Variants in TAF3 observed in about 807,000 individuals in gnomAD.
The protein encoded by TAF3 is TATA-box binding protein associated factor 3, also known as transcription initiation factor TFIID subunit 3.
A neutral mutation model predicts 80.6 loss-of-function variants in TAF3; 7 were observed. The observed-to-expected ratio is 0.09, with a 90% CI of 0.05 to 0.16. TAF3 has a LOEUF of 0.16. Among genes scored for constraint, TAF3 ranks in the 10% least tolerant of loss-of-function variants. TAF3 has a pLI of 1.00. For synonymous variants in TAF3, 444 were observed against 446.1 expected, an observed-to-expected ratio of 1.00 and a Z score of 0.06; for missense variants, 921 against 1,140.2, an observed-to-expected ratio of 0.81 and a Z score of 2.77.
At chr10:7,904,318 G>A (rs1837586891) in intron 2 of TAF3, among the ~76,000 whole-genome samples, 1 of 152,152 alleles carries the variant, frequency 6.6e-6, no homozygotes, top group Non-Finnish European at 1.5e-5. Context: ...AAGCAAGACT[G>A]GTTCCTTTCT....
intron 2 of TAF3, among the ~76,000 whole-genome samples, chr10:7,873,618 C>CCCA (rs1491307250): frequency 3.5e-5 from 1 of 28,420 alleles, no homozygotes; most frequent in African/African-American, 1.4e-4. Context: ...TCCGAGTTCT[C>CCCA]CCCCCCCCCC....
At chr10:7,992,737 T>C (rs1056338860) in intron 4 of TAF3, among the ~76,000 whole-genome samples, 6 of 152,218 alleles carry the variant, frequency 3.9e-5, no homozygotes, top group Non-Finnish European at 7.3e-5. Context: ...TCATTCTGGA[T>C]TGAACGCATA....
intron 2 of TAF3, among the ~76,000 whole-genome samples, chr10:7,946,223 T>C (rs1757169284): frequency 2.0e-5 from 3 of 152,210 alleles, no homozygotes; most frequent in Admixed American, 1.3e-4. Flanking sequence ...CATGAAGCTC[T>C]CTTGACCTAC....
intron 4 of TAF3, among the ~76,000 whole-genome samples, chr10:7,996,169 G>T (rs1006991963): frequency 6.6e-6 from 1 of 152,126 alleles, no homozygotes; most frequent in Non-Finnish European, 1.5e-5. Flanking sequence ...TTGGGGATTT[G>T]GGTGGTTCTG....
intron 2 of TAF3, among the ~76,000 whole-genome samples, chr10:7,905,776 G>A (rs759885013): frequency 2.0e-5 from 3 of 152,008 alleles, no homozygotes; most frequent in Non-Finnish European, 2.9e-5. Context: ...CCAGCTACTC[G>A]GGAGACTGAG....
chr10:7,840,415 G>A (rs1366390404), intron 2 of TAF3, among the ~76,000 whole-genome samples: 1 of 151,686 alleles, frequency 6.6e-6, no homozygotes, highest in Non-Finnish European at 1.5e-5. Context: ...GCCTCCCAAA[G>A]TGCTGGGATT....
At chr10:7,974,164 AC>A (rs1450362876) in intron 3 of TAF3, among the ~76,000 whole-genome samples, 3 of 151,628 alleles carry the variant, frequency 2.0e-5, no homozygotes, top group South Asian at 2.1e-4. Flanking sequence ...ACACACACAC[AC>A]ACACACAAAC....
At chr10:7,933,436 A>G (rs892396585) in intron 2 of TAF3, among the ~76,000 whole-genome samples, 10 of 152,338 alleles carry the variant, frequency 6.6e-5, no homozygotes, top group African/African-American at 1.9e-4. Flanking sequence ...CTCTGATGCA[A>G]CCATTGGTGA....
intron 2 of TAF3, among the ~76,000 whole-genome samples, chr10:7,920,154 G>T (rs1211349003): frequency 6.6e-6 from 1 of 152,098 alleles, no homozygotes; most frequent in Non-Finnish European, 1.5e-5. Flanking sequence ...TTGGGAGGCT[G>T]AAATGGGAGG....
chr10:7,976,446 G>A (rs564625678), intron 3 of TAF3, among the ~76,000 whole-genome samples: 3 of 142,728 alleles, frequency 2.1e-5, no homozygotes, highest in Non-Finnish European at 3.0e-5. Context: ...ACGGAGTCTC[G>A]CTGTGTTGCC....
At chr10:7,871,446 T>TTTTTTTTTTTTTTTG (rs1837265181) in intron 2 of TAF3, among the ~76,000 whole-genome samples, 1 of 132,776 alleles carries the variant, frequency 7.5e-6, no homozygotes, top group Non-Finnish European at 1.7e-5. Flanking sequence ...TTTTTTTTTT[T>TTTTTTTTTTTTTTTG]TTTTTTTTTT....
At chr10:7,886,544 A>G (rs1228586449) in intron 2 of TAF3, among the ~76,000 whole-genome samples, 1 of 152,278 alleles carries the variant, frequency 6.6e-6, no homozygotes, top group South Asian at 2.1e-4. Flanking sequence ...CGTTGTGGCT[A>G]TATGACATTG....
chr10:7,838,282 C>G (rs1361704902), intron 2 of TAF3, among the ~76,000 whole-genome samples: 2 of 152,118 alleles, frequency 1.3e-5, no homozygotes, highest in African/African-American at 4.8e-5. Context: ...CCATTTTGGC[C>G]TTTCTGCTGT....
intron 4 of TAF3, among the ~76,000 whole-genome samples, chr10:7,991,270 A>G (rs780740985): frequency 6.5e-4 from 99 of 152,214 alleles, no homozygotes; most frequent in Non-Finnish European, 8.7e-4. Flanking sequence ...TTTTGCTTCA[A>G]ACTCCCTTGG....
At chr10:7,856,940 A>G (rs1198344659) in intron 2 of TAF3, among the ~76,000 whole-genome samples, 1 of 152,026 alleles carries the variant, frequency 6.6e-6, no homozygotes, top group South Asian at 2.1e-4. Context: ...TAAAACATTT[A>G]CAAATACTAA....
intron 1 of TAF3, among the ~76,000 whole-genome samples, chr10:7,822,891 A>G (rs1048016918): frequency 1.3e-5 from 2 of 152,254 alleles, no homozygotes; most frequent in Non-Finnish European, 2.9e-5. Flanking sequence ...AAATCTCTAT[A>G]TCTAACTTTT....
At chr10:8,006,147 T>C (rs972255443) in intron 4 of TAF3, among the ~76,000 whole-genome samples, 1 of 149,242 alleles carries the variant, frequency 6.7e-6, no homozygotes. Context: ...CTGCCCAACA[T>C]GGAGAAACCC....
At chr10:7,835,862 T>TG (rs1359425597) in intron 2 of TAF3, among the ~76,000 whole-genome samples, 1 of 152,212 alleles carries the variant, frequency 6.6e-6, no homozygotes. Flanking sequence ...TTGGCACTGA[T>TG]GGGTGTACTC....
intron 4 of TAF3, among the ~76,000 whole-genome samples, chr10:7,988,060 T>C (rs1190798862): frequency 1.3e-5 from 2 of 152,196 alleles, no homozygotes; most frequent in Non-Finnish European, 2.9e-5. Flanking sequence ...ATGAATTTAG[T>C]CATAATATTT....
Sources: gnomAD v4.1 joint callset for allele counts (sites outside exome capture counted in the v4.1 genomes callset) on GRCh38, gnomAD v4.1.1 for gene constraint, MANE v1.5 for transcripts, NCBI Gene and HGNC (gene_info 2026-07-23, HGNC 2026-07-21) for gene names.